The following INVS variants were observed in gnomAD, a reference collection of about 807,000 sequenced individuals.
INVS encodes inversin, also known as inversion of embryo turning homolog.
A neutral mutation model predicts 108.8 loss-of-function variants in INVS; 86 were observed. The observed-to-expected ratio is 0.79, with a 90% confidence interval of 0.66 to 0.95. The LOEUF is 0.95. INVS is among the 40% of genes least tolerant of loss of function. The probability of loss-of-function intolerance (pLI) is 0.00; values close to 1 mark genes in which losing one functional copy is unlikely to be tolerated. For missense variants in INVS, 1,169 were observed against 1,297.4 expected, an observed-to-expected ratio of 0.90 and a Z score of 1.52; for synonymous variants, 455 against 473.5, an observed-to-expected ratio of 0.96 and a Z score of 0.51.
intron 3 of INVS, chr9:100,129,768 CT>C: frequency 3.0e-6 from 2 of 657,762 alleles, no homozygotes; most frequent in South Asian, 1.7e-5. Flanking sequence ...TCATCCTGGC[CT>C]TTTCCTTTAT....
chr9:100,286,574 T>C (rs769293769), intron 13 of INVS, among the ~76,000 whole-genome samples: 4 of 152,222 alleles, frequency 2.6e-5, no homozygotes, highest in Admixed American at 6.5e-5. Flanking sequence ...TATAAACATT[T>C]CTGGAATATA....
intron 3 of INVS, among the ~76,000 whole-genome samples, chr9:100,158,797 T>A (rs1420069340): frequency 6.6e-6 from 1 of 152,198 alleles, no homozygotes. Flanking sequence ...AGGGGCCTAA[T>A]GGGAGGTGTT....
intron 12 of INVS, among the ~76,000 whole-genome samples, chr9:100,283,622 A>G (rs1833343297): frequency 6.6e-6 from 1 of 151,984 alleles, no homozygotes; most frequent in Admixed American, 6.6e-5. Context: ...TCGCCCAGCT[A>G]CTCATCTTTA....
chr9:100,145,204 A>G (rs1307681806), intron 3 of INVS, among the ~76,000 whole-genome samples: 4 of 152,018 alleles, frequency 2.6e-5, no homozygotes, highest in African/African-American at 9.7e-5. Flanking sequence ...AAGCAAGCCC[A>G]GAGAACAGAG....
chr9:100,243,674 C>T (rs1174658486), intron 7 of INVS, among the ~76,000 whole-genome samples: 1 of 152,140 alleles, frequency 6.6e-6, no homozygotes, highest in African/African-American at 2.4e-5. Flanking sequence ...CTGCCTTCTA[C>T]ATGGGTATGC....
rs952774618 is a variant in INVS at position 100,253,203 on chromosome 9, A to G, written c.1464+67A>G. 3 of 1,264,050 alleles carry G rather than the reference A, an allele frequency of 2.4e-6. No homozygotes were observed. The highest frequency in any genetic ancestry group is 3.4e-6 in the Non-Finnish European group (3 of 877,314). 78.3% of individuals were successfully genotyped at this position (1,264,050 alleles called of 1,614,324 possible). ...TTAGAGTATTTCTTCTTTGTTGTAA[A>G]CATAAGTAAAACAACAGTTTACAAG... On this transcript the variant is annotated intron_variant, in intron 10 of 16. Coordinates refer to ENST00000262457, the MANE Select transcript of INVS (RefSeq NM_014425.5).
chr9:100,283,411 G>A (rs1833338216), intron 12 of INVS, among the ~76,000 whole-genome samples: 1 of 152,204 alleles, frequency 6.6e-6, no homozygotes, highest in African/African-American at 2.4e-5. Flanking sequence ...GAGAGGACCT[G>A]AAATCTGTGG....
In INVS at chr9:100,104,564, G is replaced by A. The variant is rs1246980585; in HGVS notation, c.43G>A (p.Ala15Thr). The change falls in exon 2 of 17, where the codon GCA (alanine) becomes ACA (threonine). Residue 15 changes from alanine to threonine, a missense_variant. Physicochemically the swap from Ala to Thr is moderately conservative, Grantham distance 58. This residue lies in a region of INVS where 365 missense variants were observed against 397.5 expected (regional missense o/e 0.92). Coordinates refer to ENST00000262457, the MANE Select transcript of INVS (RefSeq NM_014425.5). ...CCTGCTGTTTGCTGGTTCATCATTAGCATCACAAGTCCATGCTGCTGCCGT... is the reference window on the plus strand; with the variant it reads ...CCTGCTGTTTGCTGGTTCATCATTAACATCACAAGTCCATGCTGCTGCCGT... ...ENLLFAGSSL[A>T]SQVHAAAVNG... 53 of 1,614,018 alleles carry A rather than the reference G, an allele frequency of 3.3e-5. No homozygotes were observed. The highest frequency in any genetic ancestry group is 4.4e-5 in the Non-Finnish European group (52 of 1,180,012).
intron 3 of INVS, among the ~76,000 whole-genome samples, chr9:100,167,137 A>C (rs748028495): frequency 6.6e-6 from 1 of 152,040 alleles, no homozygotes; most frequent in Non-Finnish European, 1.5e-5. Flanking sequence ...AGGCTGGGGT[A>C]CAAGAATCAC....
intron 14 of INVS, among the ~76,000 whole-genome samples, chr9:100,295,755 G>A (rs539489868): frequency 2.0e-5 from 3 of 152,340 alleles, no homozygotes; most frequent in Non-Finnish European, 2.9e-5. Context: ...AGCTGAGCAG[G>A]AAAGGTGCTG....
At position 100,130,818 on chromosome 9, in the gene INVS, A is replaced by C. The variant is rs555957082; in HGVS notation, c.273+4269A>C. 6 of 152,328 alleles carry C rather than the reference A, an allele frequency of 3.9e-5. No individual in the cohort carries two copies. In the South Asian group the frequency reaches 1.2e-3, roughly 32 times the overall value. The allele number at this position is 152,328 out of a possible 1,614,324, so 9.4% of individuals were successfully genotyped here. On this transcript the variant is annotated intron_variant, in intron 3 of 16. Coordinates refer to ENST00000262457, the MANE Select transcript of INVS (RefSeq NM_014425.5). Reference sequence around the variant, plus strand: ...TAGGCCTTGGAACACAAAGGTGAACAACATGATTCCTGCTCTTAAGTTGCT... The same window carrying C: ...TAGGCCTTGGAACACAAAGGTGAACCACATGATTCCTGCTCTTAAGTTGCT...
intron 10 of INVS, among the ~76,000 whole-genome samples, chr9:100,264,118 A>C (rs1324941957): frequency 6.6e-6 from 1 of 152,178 alleles, no homozygotes; most frequent in Non-Finnish European, 1.5e-5. Flanking sequence ...TATGTCTAGC[A>C]ATGCTTCATC....
intron 5 of INVS, among the ~76,000 whole-genome samples, chr9:100,230,645 G>A (rs1337901104): frequency 2.0e-5 from 3 of 151,854 alleles, no homozygotes; most frequent in African/African-American, 7.3e-5. Context: ...CAGCGTCCCG[G>A]GTAGCTGGGA....
intron 11 of INVS, among the ~76,000 whole-genome samples, chr9:100,267,739 T>A (rs1234988513): frequency 2.0e-5 from 3 of 152,246 alleles, no homozygotes; most frequent in African/African-American, 7.2e-5. Flanking sequence ...TCACAATGTG[T>A]TTTATGATCA....
chr9:100,100,581 A>ATATATATAATATATG (rs1826798984), intron 1 of INVS, among the ~76,000 whole-genome samples: 1 of 99,640 alleles, frequency 1.0e-5, no homozygotes, highest in South Asian at 2.6e-4. Flanking sequence ...TATATATATA[A>ATATATATAATATATG]TATATATAAT....
chr9:100,252,568 A>C, intron 9 of INVS, 130 bp downstream of exon 9: 1 of 896,640 alleles, frequency 1.1e-6, no homozygotes, highest in Non-Finnish European at 1.8e-6. Context: ...ATCACACAAC[A>C]TGGCATGAGG....
chr9:100,155,064 T>C (rs1249849965), intron 3 of INVS, among the ~76,000 whole-genome samples: 1 of 151,780 alleles, frequency 6.6e-6, no homozygotes, highest in Non-Finnish European at 1.5e-5. Context: ...AATACAAAAA[T>C]TAGCAGCCAG....
chr9:100,250,729 G>T (rs1276497807), intron 8 of INVS, among the ~76,000 whole-genome samples: 1 of 152,050 alleles, frequency 6.6e-6, no homozygotes, highest in Non-Finnish European at 1.5e-5. Context: ...ATCCTTACTG[G>T]TCTCCCTGCT....
intron 5 of INVS, among the ~76,000 whole-genome samples, chr9:100,230,131 A>G (rs190155975): frequency 1.2e-3 from 190 of 152,300 alleles, no homozygotes; most frequent in Non-Finnish European, 2.4e-3. Context: ...TTTGTTTCAT[A>G]CTTGTTTTTA....
Sources: gnomAD v4.1 joint callset for allele counts (sites outside exome capture counted in the v4.1 genomes callset) on GRCh38, gnomAD v4.1.1 for gene constraint, gnomAD v4.1.1 regional missense constraint, MANE v1.5 for transcripts, NCBI Gene and HGNC (gene_info 2026-07-23, HGNC 2026-07-21) for gene names.